DCDC2: variants seen among roughly 807,000 people sequenced by gnomAD.
DCDC2 encodes the protein doublecortin domain-containing protein 2.
In DCDC2, 40 loss-of-function variants were observed where a neutral mutation model predicts 50.2. The observed-to-expected ratio is 0.80, with a 90% confidence interval of 0.62 to 1.04. The LOEUF (loss-of-function observed/expected upper bound fraction) is 1.04. Among genes scored for constraint, DCDC2 ranks in the 50% least tolerant of loss-of-function variants. DCDC2 has a pLI of 0.00. For synonymous variants in DCDC2, 234 were observed against 210.6 expected, an observed-to-expected ratio of 1.11 and a Z score of -0.96; for missense variants, 570 against 581.9, an observed-to-expected ratio of 0.98 and a Z score of 0.21.
chr6:24,265,567 T>A (rs571426547), intron 7 of DCDC2, among the ~76,000 whole-genome samples: 2 of 152,300 alleles, frequency 1.3e-5, no homozygotes, highest in South Asian at 4.1e-4. Context: ...TCAAGTATCT[T>A]CTCTGACACA....
rs143744913 is a variant in DCDC2 at position 24,191,074 on chromosome 6, C to T, written c.1024-12442G>A. ...CTGTGGGGTTTTGTTTCTTCAATGG[C>T]AAAATAAGAAGCTTAGGTCAGGTTC... On this transcript the variant is annotated intron_variant, in intron 8 of 9. Coordinates refer to ENST00000378454, the MANE Select transcript of DCDC2 (RefSeq NM_016356.5). Among the ~76,000 whole-genome samples the T allele has an allele frequency of 2.0e-5, 3 of 152,224 alleles. No individual in the cohort carries two copies. The East Asian group carries it at 5.8e-4, about 29-fold the overall frequency.
chr6:24,205,913 T>C (rs1432851904), intron 7 of DCDC2, among the ~76,000 whole-genome samples: 1 of 152,162 alleles, frequency 6.6e-6, no homozygotes, highest in African/African-American at 2.4e-5. Flanking sequence ...TCACAGATGT[T>C]TTCTCTGTCC....
intron 7 of DCDC2, among the ~76,000 whole-genome samples, chr6:24,246,022 G>T (rs1321333012): frequency 1.3e-5 from 2 of 151,498 alleles, no homozygotes; most frequent in Non-Finnish European, 2.9e-5. Flanking sequence ...TTATTTTTTT[G>T]AGACAGAGCC....
chr6:24,223,009 C>A (rs73394017), intron 7 of DCDC2, among the ~76,000 whole-genome samples: 5,357 of 152,114 alleles, frequency 0.035, 296 homozygotes, highest in African/African-American at 0.12. Flanking sequence ...GTATAAAAAA[C>A]CTGATTTTCT....
intron 7 of DCDC2, among the ~76,000 whole-genome samples, chr6:24,209,665 G>A (rs548922946): frequency 1.8e-4 from 27 of 152,156 alleles, no homozygotes; most frequent in Non-Finnish European, 3.7e-4. Context: ...CTCATGAAAC[G>A]TCTTGAGTTT....
At chr6:24,378,666 C>T in the DCDC2 span, among the ~76,000 whole-genome samples, 7 of 152,090 alleles carry the variant, frequency 4.6e-5, no homozygotes, top group South Asian at 1.5e-3. Flanking sequence ...GAAACTCAAC[C>T]CAAGACCCAC....
chr6:24,326,222 G>A (rs938157493), intron 2 of DCDC2, among the ~76,000 whole-genome samples: 15 of 147,210 alleles, frequency 1.0e-4, no homozygotes, highest in Admixed American at 9.5e-4. Context: ...ATGAAGGAAG[G>A]AAGGAAGGAA....
At chr6:24,206,362 G>A (rs1407009753) in intron 7 of DCDC2, among the ~76,000 whole-genome samples, 1 of 151,208 alleles carries the variant, frequency 6.6e-6, no homozygotes, top group Non-Finnish European at 1.5e-5. Flanking sequence ...GCCCAGTGAG[G>A]AAGGAATGAA....
intron 2 of DCDC2, among the ~76,000 whole-genome samples, chr6:24,304,221 G>A (rs747922636): frequency 6.6e-6 from 1 of 152,174 alleles, no homozygotes; most frequent in Non-Finnish European, 1.5e-5. Context: ...GTTGGCTCAC[G>A]CCTGTAATCC....
intron 7 of DCDC2, among the ~76,000 whole-genome samples, chr6:24,258,259 T>C (rs994119018): frequency 3.3e-5 from 5 of 152,200 alleles, no homozygotes; most frequent in African/African-American, 7.2e-5. Flanking sequence ...AGTGGGTTGC[T>C]GCTGCTGGCT....
intron 5 of DCDC2, among the ~76,000 whole-genome samples, chr6:24,289,363 G>T (rs981192421): frequency 6.6e-6 from 1 of 152,174 alleles, no homozygotes; most frequent in Non-Finnish European, 1.5e-5. Context: ...TTTTAAACAA[G>T]TCGTCCTCAC....
chr6:24,360,656 C>T (rs1337973223), upstream of DCDC2, among the ~76,000 whole-genome samples: 1 of 152,168 alleles, frequency 6.6e-6, no homozygotes, highest in Non-Finnish European at 1.5e-5. Flanking sequence ...TGAAATTTTG[C>T]AGCTCATCTC....
intron 8 of DCDC2, among the ~76,000 whole-genome samples, chr6:24,183,666 G>A (rs929896838): frequency 1.3e-5 from 2 of 152,072 alleles, no homozygotes; most frequent in African/African-American, 2.4e-5. Context: ...GGACTCTCAC[G>A]CCTTATGACT....
intron 2 of DCDC2, among the ~76,000 whole-genome samples, chr6:24,351,889 A>G (rs1760379003): frequency 6.6e-6 from 1 of 152,164 alleles, no homozygotes; most frequent in Admixed American, 6.5e-5. Context: ...GCGGATCATG[A>G]GGTCAGGAGT....
chr6:24,357,354 C>T, intron 1 of DCDC2, 104 bp downstream of exon 1: 1 of 1,362,772 alleles, frequency 7.3e-7, no homozygotes, highest in South Asian at 1.5e-5. Context: ...AAGTCACAGC[C>T]CCTCAACCAC....
At chr6:24,200,187 T>A (rs1761552969) in intron 8 of DCDC2, among the ~76,000 whole-genome samples, 1 of 151,602 alleles carries the variant, frequency 6.6e-6, no homozygotes, top group African/African-American at 2.4e-5. Flanking sequence ...TCAAAAAGAG[T>A]AACCCCAAGA....
chr6:24,287,543 G>A (rs1464658714), intron 6 of DCDC2, among the ~76,000 whole-genome samples: 5 of 152,124 alleles, frequency 3.3e-5, no homozygotes, highest in Admixed American at 2.0e-4. Context: ...CTTGTGGGGT[G>A]AGGTTAAATA....
rs201204772 is a variant in DCDC2, at chr6:24,301,794, T to G, written c.478A>C (p.Arg160=). The change falls in exon 4 of 10, where the codon AGA becomes CGA. Residue 160 remains arginine, a synonymous_variant. Coordinates refer to ENST00000378454, the MANE Select transcript of DCDC2 (RefSeq NM_016356.5). ...TGATCCCACTGATTCAAGGTTTTTC[T>G]GGGGATAAGGAGGCGAGAAGCTGGG... ...INPASRLLIP[R]KTLNQWDHVL... is the part of the protein sequence containing the mutation. 9.8e-5 allele frequency: 158 copies of G among 1,614,200 alleles called. 1 individual carries two copies. In the East Asian group the frequency reaches 1.9e-3, roughly 19 times the overall value.
At chr6:24,321,781 C>T (rs1759778365) in intron 2 of DCDC2, among the ~76,000 whole-genome samples, 1 of 152,142 alleles carries the variant, frequency 6.6e-6, no homozygotes, top group South Asian at 2.1e-4. Context: ...AGCCAAACTT[C>T]CTGTCATAAA....
Sources: gnomAD v4.1 joint callset for allele counts (sites outside exome capture counted in the v4.1 genomes callset) on GRCh38, gnomAD v4.1.1 for gene constraint, MANE v1.5 for transcripts, NCBI Gene and HGNC (gene_info 2026-07-23, HGNC 2026-07-21) for gene names.